Variants in ADAMTS12 observed in about 807,000 individuals in gnomAD.
ADAMTS12 encodes the protein ADAM metallopeptidase with thrombospondin type 1 motif 12, also known as A disintegrin and metalloproteinase with thrombospondin motifs 12.
Under a neutral mutation model 167.8 loss-of-function variants are expected in ADAMTS12, and 118 were observed. The observed-to-expected ratio is 0.70, with a 90% CI of 0.61 to 0.82. The LOEUF (loss-of-function observed/expected upper bound fraction) is 0.82, where lower values mean the gene tolerates loss of function less well. Among genes scored for constraint, ADAMTS12 ranks in the 40% least tolerant of loss-of-function variants. The pLI is 0.00. For synonymous variants in ADAMTS12, 704 were observed against 716.9 expected (o/e 0.98, Z 0.29); for missense variants, 1,916 against 1,998.8 (o/e 0.96, Z 0.79).
intron 22 of ADAMTS12, among the ~76,000 whole-genome samples, chr5:33,537,138 GGAGT>G (rs1413714799): frequency 6.6e-6 from 1 of 152,130 alleles, no homozygotes; most frequent in Non-Finnish European, 1.5e-5. Context: ...CTTGCTCAGA[GGAGT>G]GAGTATTAGT....
intron 2 of ADAMTS12, among the ~76,000 whole-genome samples, chr5:33,810,857 C>A (rs946362289): frequency 6.6e-6 from 1 of 152,230 alleles, no homozygotes; most frequent in Non-Finnish European, 1.5e-5. Flanking sequence ...CTGTCACATT[C>A]ATGTCCATAC....
chr5:33,810,269 A>C (rs1747405252), intron 2 of ADAMTS12, among the ~76,000 whole-genome samples: 1 of 152,178 alleles, frequency 6.6e-6, no homozygotes, highest in Non-Finnish European at 1.5e-5. Flanking sequence ...ATGTCCTTTC[A>C]AGAGGATTTT....
intron 19 of ADAMTS12, among the ~76,000 whole-genome samples, chr5:33,572,037 G>A (rs1379851635): frequency 6.6e-6 from 1 of 152,088 alleles, no homozygotes; most frequent in Non-Finnish European, 1.5e-5. Context: ...ACTCTCCCAA[G>A]ACTAAACCAG....
intron 17 of ADAMTS12, among the ~76,000 whole-genome samples, chr5:33,592,046 C>T (rs1466058509): frequency 6.6e-6 from 1 of 151,760 alleles, no homozygotes; most frequent in Non-Finnish European, 1.5e-5. Flanking sequence ...AATGGAGAAA[C>T]CCCGTCTCTA....
chr5:33,603,927 G>T (rs1023922857), intron 16 of ADAMTS12, among the ~76,000 whole-genome samples: 4 of 152,186 alleles, frequency 2.6e-5, no homozygotes, highest in African/African-American at 7.2e-5. Flanking sequence ...GAACTTAAGT[G>T]AAGTGCTTAA....
In ADAMTS12 at chr5:33,794,870, T is replaced by C. The variant is rs546578957; in HGVS notation, c.490-43322A>G. On this transcript the variant is annotated intron_variant, in intron 2 of 23. Coordinates refer to ENST00000504830, the MANE Select transcript of ADAMTS12 (RefSeq NM_030955.4). ...CTATGAATCACATCCTGAGCTGTCATCAGTGAAAAATAACTCCATCGGCAG... is the reference window on the plus strand; with the variant it reads ...CTATGAATCACATCCTGAGCTGTCACCAGTGAAAAATAACTCCATCGGCAG... Among the ~76,000 whole-genome samples, 58 of 152,280 alleles carry C rather than the reference T, an allele frequency of 3.8e-4. No homozygotes were observed. In the South Asian group the frequency reaches 4.3e-3, roughly 11 times the overall value.
chr5:33,772,574 C>T lies in ADAMTS12; in HGVS notation c.490-21026G>A, dbSNP rs1745786176. On this transcript the variant is annotated intron_variant, in intron 2 of 23. Coordinates refer to ENST00000504830, the MANE Select transcript of ADAMTS12 (RefSeq NM_030955.4). ...AAAGAGAAGACAGTTTCCTTATGTG[C>T]CTGTATGCATACATAACAAAGCATA... Among the ~76,000 whole-genome samples, 4 of 152,150 alleles carry T rather than the reference C, an allele frequency of 2.6e-5. No homozygotes were observed. In the South Asian group the frequency reaches 6.2e-4, roughly 24 times the overall value.
chr5:33,852,880 T>C (rs1042752886), intron 2 of ADAMTS12, among the ~76,000 whole-genome samples: 5 of 152,170 alleles, frequency 3.3e-5, no homozygotes, highest in African/African-American at 1.2e-4. Context: ...ACAGACAGGA[T>C]GGCTGCAGTT....
At chr5:33,617,807 T>G (rs1238801907) in intron 14 of ADAMTS12, among the ~76,000 whole-genome samples, 2 of 151,896 alleles carry the variant, frequency 1.3e-5, no homozygotes, top group Admixed American at 1.3e-4. Flanking sequence ...AAAAAAACAA[T>G]AAATAACAGT....
chr5:33,795,054 A>T (rs2112463555), intron 2 of ADAMTS12, among the ~76,000 whole-genome samples: 1 of 152,348 alleles, frequency 6.6e-6, no homozygotes. Context: ...TCACAAGAAC[A>T]GACTTACGTG....
intron 5 of ADAMTS12, among the ~76,000 whole-genome samples, chr5:33,669,563 T>C (rs189072483): frequency 1.3e-5 from 2 of 152,176 alleles, no homozygotes; most frequent in Non-Finnish European, 2.9e-5. Flanking sequence ...CACTCTATAA[T>C]GTAGTAGATC....
rs760757385 is a variant in ADAMTS12 at position 33,527,241 on chromosome 5, G to A, written c.4732C>T (p.His1578Tyr). Residue 1578 changes from histidine to tyrosine, a missense_variant, in exon 24 of 24, where the codon CAC (histidine) becomes TAC (tyrosine). Coordinates refer to ENST00000504830, the MANE Select transcript of ADAMTS12 (RefSeq NM_030955.4). ...CGTTGCCTTCTTTGCCTTTGGGTGT[G>A]TGTGATGTGTGTCTGGGGACACGAG... ...CFSCPQTHIT[H>Y]TQRQRRQRLL... 1.2e-6 allele frequency: 2 copies of A among 1,614,120 alleles called. No homozygotes were observed. The highest frequency in any genetic ancestry group is 1.1e-5 in the South Asian group (1 of 91,072).
intron 16 of ADAMTS12, among the ~76,000 whole-genome samples, chr5:33,602,909 T>G (rs1301352469): frequency 6.6e-6 from 1 of 152,224 alleles, no homozygotes; most frequent in Non-Finnish European, 1.5e-5. Context: ...GCATGGTCTT[T>G]GCAGTTTTCA....
At chr5:33,666,366 G>A (rs372259517) in intron 5 of ADAMTS12, among the ~76,000 whole-genome samples, 12 of 152,290 alleles carry the variant, frequency 7.9e-5, no homozygotes, top group Middle Eastern at 3.4e-3. Context: ...CTCAACCCCC[G>A]TATGGCCTGT....
chr5:33,855,778 C>A (rs1362166543), intron 2 of ADAMTS12, among the ~76,000 whole-genome samples: 1 of 152,110 alleles, frequency 6.6e-6, no homozygotes, highest in Admixed American at 6.5e-5. Context: ...GGCTAGAGAG[C>A]AGTGGCATGA....
At chr5:33,594,451 T>A (rs1049963077) in intron 17 of ADAMTS12, among the ~76,000 whole-genome samples, 1 of 152,242 alleles carries the variant, frequency 6.6e-6, no homozygotes, top group African/African-American at 2.4e-5. Flanking sequence ...TGTATTATAT[T>A]GTGCCTAATT....
chr5:33,877,709 G>A (rs536489199), intron 2 of ADAMTS12, among the ~76,000 whole-genome samples: 128 of 152,300 alleles, frequency 8.4e-4, no homozygotes, highest in Middle Eastern at 3.4e-3. Context: ...CCTCAAAGAG[G>A]ACAAGGGCTG....
In ADAMTS12 at chr5:33,637,630, T is replaced by C. The variant is rs756400435; in HGVS notation, c.1835A>G (p.Asp612Gly). ...TFRQMQCSEFDTVPYKNELYH... is the reference protein window; with the variant it reads ...TFRQMQCSEFGTVPYKNELYH... ...GAGTTCATTCTTGTAGGGAACAGTGTCAAATTCACTGCACTGCATCTGCCG... is the reference window on the plus strand; with the variant it reads ...GAGTTCATTCTTGTAGGGAACAGTGCCAAATTCACTGCACTGCATCTGCCG... Residue 612 changes from aspartate (D) to glycine (G), a missense_variant, in exon 12 of 24, where the codon GAC becomes GGC. By Grantham distance (94) the Asp-to-Gly change is moderately conservative. Coordinates refer to ENST00000504830, the MANE Select transcript of ADAMTS12 (RefSeq NM_030955.4). 8 of 1,613,620 alleles carry C rather than the reference T, an allele frequency of 5.0e-6. No homozygotes were observed. The highest frequency in any genetic ancestry group is 2.5e-6 in the Non-Finnish European group (3 of 1,179,720).
rs908058658 is a variant in ADAMTS12, at chr5:33,870,672, G to A, written c.489+10447C>T. On this transcript the variant is annotated intron_variant, in intron 2 of 23. Transcript: ENST00000504830. ...TTTGTGTCCCTGTCCAAATCCCATG[G>A]CAAATTGTAATCCCCAGTGTTGGTG... Among the ~76,000 whole-genome samples, 187 of 152,306 alleles carry A rather than the reference G, an allele frequency of 1.2e-3. 1 individual carries two copies. The highest frequency in any genetic ancestry group is 4.3e-3 in the African/African-American group (178 of 41,570).
Sources: gnomAD v4.1 joint callset for allele counts (sites outside exome capture counted in the v4.1 genomes callset) on GRCh38, gnomAD v4.1.1 for gene constraint, MANE v1.5 for transcripts, NCBI Gene and HGNC (gene_info 2026-07-23, HGNC 2026-07-21) for gene names.